Variants in PPM1H observed in about 807,000 individuals in gnomAD.
PPM1H encodes protein phosphatase, Mg2+/Mn2+ dependent 1H.
PPM1H carries 27 observed loss-of-function variants against 54.9 expected under a neutral mutation model. The ratio of observed to expected loss-of-function variants is 0.49; its 90% CI spans 0.36 to 0.68. The LOEUF (loss-of-function observed/expected upper bound fraction) is 0.68, where lower values mean the gene tolerates loss of function less well. Ranked by LOEUF, PPM1H falls within the 30% of genes least tolerant of loss-of-function variation. The pLI is 0.00. For synonymous variants in PPM1H, 305 were observed against 270.8 expected, an observed-to-expected ratio of 1.13 and a Z score of -1.24; for missense variants, 596 against 667.8, an observed-to-expected ratio of 0.89 and a Z score of 1.19.
chr12:62,655,853 A>G (rs1169347232), intron 9 of PPM1H, among the ~76,000 whole-genome samples: 1 of 152,158 alleles, frequency 6.6e-6, no homozygotes, highest in East Asian at 1.9e-4. Context: ...ACATGTTTTG[A>G]ATTTTGAGAA....
At chr12:62,911,853 C>T (rs1257748431) in intron 1 of PPM1H, among the ~76,000 whole-genome samples, 4 of 152,200 alleles carry the variant, frequency 2.6e-5, no homozygotes, top group African/African-American at 9.6e-5. Context: ...GGTTGGTTAG[C>T]CCTCTCATCC....
chr12:62,830,850 T>C (rs1309004977), intron 2 of PPM1H, among the ~76,000 whole-genome samples: 1 of 126,900 alleles, frequency 7.9e-6, no homozygotes, highest in Non-Finnish European at 1.6e-5. Context: ...TGAAACACTA[T>C]TTCTTTTTCT....
chr12:62,709,841 C>T (rs539833342), intron 6 of PPM1H, among the ~76,000 whole-genome samples: 10 of 151,634 alleles, frequency 6.6e-5, no homozygotes, highest in Admixed American at 1.3e-4. Context: ...GAGGCTGAGG[C>T]GGGCGGATCA....
intron 4 of PPM1H, among the ~76,000 whole-genome samples, chr12:62,752,951 T>C (rs2076450083): frequency 6.6e-6 from 1 of 152,160 alleles, no homozygotes; most frequent in Non-Finnish European, 1.5e-5. Context: ...ATTTTGGGCA[T>C]TTGAATTTGG....
intron 1 of PPM1H, among the ~76,000 whole-genome samples, chr12:62,852,056 C>A (rs577485734): frequency 6.6e-6 from 1 of 151,788 alleles, no homozygotes; most frequent in African/African-American, 2.4e-5. Context: ...TGGTGAAACC[C>A]TGTCTCTACT....
chr12:62,884,153 TAC>T (rs147184732), intron 1 of PPM1H, among the ~76,000 whole-genome samples: 5,465 of 152,030 alleles, frequency 0.036, 284 homozygotes, highest in African/African-American at 0.11. Context: ...TGAAATCTCT[TAC>T]AGATACTGAA....
chr12:62,739,600 AT>A, intron 4 of PPM1H, among the ~76,000 whole-genome samples: 1 of 152,292 alleles, frequency 6.6e-6, no homozygotes, highest in East Asian at 1.9e-4. Flanking sequence ...ATTCCCAGGC[AT>A]GGACTAGGAA....
At chr12:62,815,263 A>T (rs2076859511) in intron 2 of PPM1H, among the ~76,000 whole-genome samples, 1 of 152,076 alleles carries the variant, frequency 6.6e-6, no homozygotes, top group Non-Finnish European at 1.5e-5. Context: ...ATATACTTTA[A>T]TGAATATGCT....
rs180696075 is a variant in PPM1H at position 62,854,986 on chromosome 12, G to A, written c.246-22707C>T. On this transcript the variant is annotated intron_variant, in intron 1 of 9. Coordinates refer to ENST00000228705, the MANE Select transcript of PPM1H (RefSeq NM_020700.2). ...TATAAGCTTCAGGGATTAGACATCT[G>A]GTAACTAATATAGTTTCCTCTAAAC... Among the ~76,000 whole-genome samples, 4 of 152,188 alleles carry A rather than the reference G, an allele frequency of 2.6e-5. No individual in the cohort carries two copies. In the East Asian group the frequency reaches 7.7e-4, roughly 29 times the overall value.
rs78698312 is a variant in PPM1H, at chr12:62,686,730, C to A, written c.1245+2969G>T. 4.1e-3 allele frequency among the ~76,000 whole-genome samples: 620 copies of A among 152,306 alleles called. 5 individuals are homozygous for A. The highest frequency in any genetic ancestry group is 0.014 in the African/African-American group (593 of 41,556). ...TGACAAATGGTAATTATTATTTCTACCGAGCTGACCTCACTTGAAATCCTG... is the reference window on the plus strand; with the variant it reads ...TGACAAATGGTAATTATTATTTCTAACGAGCTGACCTCACTTGAAATCCTG... On this transcript the variant is annotated intron_variant, in intron 8 of 9. Coordinates refer to ENST00000228705, the MANE Select transcript of PPM1H (RefSeq NM_020700.2).
intron 5 of PPM1H, among the ~76,000 whole-genome samples, chr12:62,732,169 C>T (rs1489620196): frequency 6.6e-6 from 1 of 152,220 alleles, no homozygotes; most frequent in Non-Finnish European, 1.5e-5. Flanking sequence ...AACTCCTCAT[C>T]ACACACCTGC....
chr12:62,650,238 G>C (rs2075808048), intron 9 of PPM1H, among the ~76,000 whole-genome samples: 1 of 152,180 alleles, frequency 6.6e-6, no homozygotes, highest in Admixed American at 6.5e-5. Context: ...AGCCCAGATA[G>C]CAGACAGAAG....
intron 5 of PPM1H, among the ~76,000 whole-genome samples, chr12:62,724,754 T>C (rs149312343): frequency 1.6e-4 from 24 of 152,328 alleles, no homozygotes; most frequent in African/African-American, 4.8e-4. Flanking sequence ...TATGTATAAT[T>C]CTTTCTTAAC....
Position 62,646,197 on chromosome 12 carries a change from A to G in PPM1H, c.*2292T>C, listed in dbSNP as rs906478530. 6.6e-6 allele frequency: 1 copy of G among 152,244 alleles called. No homozygotes were observed. Among genetic ancestry groups the G allele is most frequent in the Non-Finnish European group, 1.5e-5 (1 of 68,036 alleles). 9.4% of individuals were successfully genotyped at this position (152,244 alleles called of 1,614,324 possible). A position where few individuals can be genotyped will look rare whatever the true frequency, so the allele number is the denominator to read the frequency against. On this transcript the variant is annotated 3_prime_UTR_variant, in exon 10 of 10. Coordinates refer to ENST00000228705, the MANE Select transcript of PPM1H (RefSeq NM_020700.2). Reference sequence around the variant, plus strand: ...TTTCTAACTAAAACCAGCAGGACTAAGTGCTCAAGATTTTATAATATTTCG... The same window carrying G: ...TTTCTAACTAAAACCAGCAGGACTAGGTGCTCAAGATTTTATAATATTTCG...
At chr12:62,922,790 T>C (rs955292994) in intron 1 of PPM1H, among the ~76,000 whole-genome samples, 1 of 152,202 alleles carries the variant, frequency 6.6e-6, no homozygotes, top group Non-Finnish European at 1.5e-5. Flanking sequence ...TTCAGAAGTA[T>C]GGAAAACACA....
At position 62,847,778 on chromosome 12, in the gene PPM1H, T is replaced by C. The variant is rs146668633; in HGVS notation, c.246-15499A>G. Among the ~76,000 whole-genome samples the C allele has an allele frequency of 1.9e-3, 290 of 152,214 alleles. 1 individual carries two copies. The highest frequency in any genetic ancestry group is 3.1e-3 in the Non-Finnish European group (211 of 68,016). On this transcript the variant is annotated intron_variant, in intron 1 of 9. Coordinates refer to ENST00000228705, the MANE Select transcript of PPM1H (RefSeq NM_020700.2). ...CAAAAAAAAAGCTGTTAAACTTACATAGATAACTATTACTGAAGCTTACCA... is the reference window on the plus strand; with the variant it reads ...CAAAAAAAAAGCTGTTAAACTTACACAGATAACTATTACTGAAGCTTACCA...
intron 4 of PPM1H, among the ~76,000 whole-genome samples, chr12:62,759,828 C>G (rs1453514576): frequency 6.6e-6 from 1 of 151,882 alleles, no homozygotes; most frequent in East Asian, 1.9e-4. Context: ...ACCTCCCACC[C>G]TGTTTCCACT....
chr12:62,775,257 TC>T (rs2076603405), intron 4 of PPM1H, among the ~76,000 whole-genome samples: 1 of 152,198 alleles, frequency 6.6e-6, no homozygotes, highest in Admixed American at 6.5e-5. Context: ...TACAGGCAAG[TC>T]CGGCAGCCTC....
chr12:62,850,734 T>A (rs1340831794), intron 1 of PPM1H: 2 of 150,606 alleles, frequency 1.3e-5, no homozygotes, highest in South Asian at 4.2e-4. Context: ...TCTTTTTTCT[T>A]TTTTAGGGGA....
Sources: allele counts gnomAD v4.1 joint callset (sites outside exome capture counted in the v4.1 genomes callset), GRCh38; gene constraint gnomAD v4.1.1; transcripts MANE v1.5; gene names NCBI Gene and HGNC (gene_info 2026-07-23, HGNC 2026-07-21).